DLGAP2: variants seen among roughly 807,000 people sequenced by gnomAD.
The protein encoded by DLGAP2 is disks large-associated protein 2.
Under a neutral mutation model 100.3 loss-of-function variants are expected in DLGAP2, and 26 were observed. The ratio of observed to expected loss-of-function variants is 0.26; its 90% CI spans 0.19 to 0.36. DLGAP2 has a LOEUF of 0.36. Ranked by LOEUF, DLGAP2 falls within the 10% of genes least tolerant of loss-of-function variation. The probability of loss-of-function intolerance (pLI) is 1.00; values close to 1 mark genes in which losing one functional copy is unlikely to be tolerated. For synonymous variants in DLGAP2, 886 were observed against 630.1 expected (o/e 1.41, Z -6.08); for missense variants, 1,858 against 1,453.2 (o/e 1.28, Z -4.53).
Position 1,703,004 on chromosome 8 carries a change from C to G in DLGAP2, c.*1598C>G, listed in dbSNP as rs958754058. The stretch of plus-strand genomic sequence containing the variant: ...TACAATGTCCCCAGCCCCTCTGCAG[C>G]CCGTGGCTGGCAGGGCGTTCGATGT... On this transcript the variant is annotated 3_prime_UTR_variant, in exon 15 of 15. Transcript: ENST00000637795. The G allele has an allele frequency of 6.6e-6, 1 of 152,032 alleles. No homozygotes were observed. The highest frequency in any genetic ancestry group is 2.5e-5 in the African/African-American group (1 of 40,774). The allele number at this position is 152,032 out of a possible 1,614,324, so 9.4% of individuals were successfully genotyped here.
At chr8:1,110,280 T>C (rs1366507408) in intron 2 of DLGAP2, among the ~76,000 whole-genome samples, 4 of 147,666 alleles carry the variant, frequency 2.7e-5, no homozygotes, top group African/African-American at 1.0e-4. Flanking sequence ...GTGCTGGATC[T>C]GTGAGGTGTG....
chr8:1,256,539 A>G (rs1246806004), intron 2 of DLGAP2, among the ~76,000 whole-genome samples: 1,361 of 86,388 alleles, frequency 0.016, 25 homozygotes, highest in African/African-American at 0.052. Flanking sequence ...CATCCTGCCC[A>G]GGCGCTGTGT....
At chr8:1,013,240 A>G (rs1250820676) in intron 2 of DLGAP2, among the ~76,000 whole-genome samples, 2 of 152,220 alleles carry the variant, frequency 1.3e-5, no homozygotes, top group East Asian at 1.9e-4. Flanking sequence ...TATTGGTGTG[A>G]AAAGTTAAGC....
intron 3 of DLGAP2, among the ~76,000 whole-genome samples, chr8:1,426,677 T>C (rs1797245675): frequency 6.6e-6 from 1 of 152,154 alleles, no homozygotes; most frequent in African/African-American, 2.4e-5. Context: ...GATAGGAATC[T>C]ACAAAGGAGC....
intron 3 of DLGAP2, among the ~76,000 whole-genome samples, chr8:1,428,149 A>C (rs1384961804): frequency 2.8e-5 from 4 of 143,248 alleles, no homozygotes; most frequent in Non-Finnish European, 6.4e-5. Flanking sequence ...AAAATAATCA[A>C]AATAGAAAAC....
chr8:792,873 C>T (rs759986286), intron 1 of DLGAP2, among the ~76,000 whole-genome samples: 14 of 152,164 alleles, frequency 9.2e-5, no homozygotes, highest in Non-Finnish European at 1.9e-4. Context: ...AAAGTTTTCT[C>T]ATTTTTGTTT....
At chr8:1,590,733 A>C (rs60453554) in intron 6 of DLGAP2, among the ~76,000 whole-genome samples, 15,400 of 152,176 alleles carry the variant, frequency 0.1, 1,235 homozygotes, top group African/African-American at 0.23. Flanking sequence ...TCACTTGAAA[A>C]TGGGAATCCC....
chr8:1,549,794 C>T, intron 5 of DLGAP2, 111 bp downstream of exon 5: 1 of 1,181,928 alleles, frequency 8.5e-7, no homozygotes, highest in Admixed American at 2.8e-5. Flanking sequence ...GGTTGTGCAA[C>T]AGGATGTTCT....
intron 2 of DLGAP2, among the ~76,000 whole-genome samples, chr8:1,179,397 G>A (rs17753522): frequency 0.13 from 19,330 of 152,256 alleles, 1,336 homozygotes; most frequent in East Asian, 0.22. Flanking sequence ...CTGTGCAGTC[G>A]ATGGACACTT....
chr8:1,082,979 C>T (rs756953054), intron 2 of DLGAP2, among the ~76,000 whole-genome samples: 4 of 152,184 alleles, frequency 2.6e-5, no homozygotes, highest in African/African-American at 9.6e-5. Context: ...TGTTAAAATA[C>T]GTGTCAAACT....
intron 3 of DLGAP2, among the ~76,000 whole-genome samples, chr8:1,429,955 G>C (rs1487053233): frequency 1.7e-5 from 2 of 120,174 alleles, no homozygotes; most frequent in Admixed American, 2.0e-4. Context: ...ATATGCACCT[G>C]AAAATATCAT....
intron 4 of DLGAP2, among the ~76,000 whole-genome samples, chr8:1,507,967 G>T (rs1370984819): frequency 2.6e-5 from 4 of 151,916 alleles, no homozygotes; most frequent in African/African-American, 9.7e-5. Context: ...TCAAACACGT[G>T]GTCACATGAA....
At chr8:1,133,029 G>T (rs766663159) in intron 2 of DLGAP2, among the ~76,000 whole-genome samples, 1 of 152,224 alleles carries the variant, frequency 6.6e-6, no homozygotes. Flanking sequence ...TCTGGGGTCT[G>T]TGTGTGGTGG....
At chr8:796,938 A>T (rs1796048220) in intron 1 of DLGAP2, among the ~76,000 whole-genome samples, 1 of 152,220 alleles carries the variant, frequency 6.6e-6, no homozygotes, top group South Asian at 2.1e-4. Flanking sequence ...GTCAAGGATC[A>T]CTTTTGCATA....
At chr8:1,349,917 T>G (rs1801668773) in intron 3 of DLGAP2, among the ~76,000 whole-genome samples, 1 of 152,260 alleles carries the variant, frequency 6.6e-6, no homozygotes, top group Non-Finnish European at 1.5e-5. Flanking sequence ...ACAAACACAT[T>G]TGCCTATATC....
chr8:1,528,414 C>A (rs913936445), intron 4 of DLGAP2, among the ~76,000 whole-genome samples: 2 of 152,244 alleles, frequency 1.3e-5, no homozygotes, highest in African/African-American at 4.8e-5. Context: ...AAACAGAAGA[C>A]GTCATAAACT....
chr8:1,454,304 A>G (rs565602609), intron 3 of DLGAP2, among the ~76,000 whole-genome samples: 10 of 151,970 alleles, frequency 6.6e-5, no homozygotes, highest in Admixed American at 6.5e-4. Context: ...GCTGCTGAAC[A>G]GTAGCATCCA....
intron 3 of DLGAP2, among the ~76,000 whole-genome samples, chr8:1,432,549 G>A (rs1272243815): frequency 1.3e-5 from 2 of 152,252 alleles, no homozygotes; most frequent in Admixed American, 1.3e-4. Context: ...GGGCGAGGGA[G>A]TCCAGGGTGT....
chr8:1,523,506 C>T (rs1800682088), intron 4 of DLGAP2, among the ~76,000 whole-genome samples: 1 of 152,158 alleles, frequency 6.6e-6, no homozygotes, highest in South Asian at 2.1e-4. Context: ...TGGAGCTGTG[C>T]CTTAGACGGG....
Sources: allele counts gnomAD v4.1 joint callset (sites outside exome capture counted in the v4.1 genomes callset), GRCh38; gene constraint gnomAD v4.1.1; transcripts MANE v1.5; gene names NCBI Gene and HGNC (gene_info 2026-07-23, HGNC 2026-07-21).